TOM1L2: variants seen among roughly 807,000 people sequenced by gnomAD.
TOM1L2 encodes TOM1-like protein 2.
Under a neutral mutation model 67.9 loss-of-function variants are expected in TOM1L2, and 31 were observed. The observed-to-expected ratio is 0.46, with a 90% CI of 0.34 to 0.62. TOM1L2 has a LOEUF of 0.62. TOM1L2 is among the 20% of genes least tolerant of loss of function. The pLI is 0.01. For synonymous variants in TOM1L2, 256 were observed against 254.0 expected (o/e 1.01, Z -0.07); for missense variants, 606 against 663.5 (o/e 0.91, Z 0.95).
intron 1 of TOM1L2, among the ~76,000 whole-genome samples, chr17:17,937,960 G>A (rs1443385634): frequency 6.6e-6 from 1 of 152,122 alleles, no homozygotes; most frequent in African/African-American, 2.4e-5. Flanking sequence ...CTCCATTCCT[G>A]CCACTCACAG....
At chr17:17,956,657 C>T (rs917108464) in intron 1 of TOM1L2, among the ~76,000 whole-genome samples, 4 of 152,226 alleles carry the variant, frequency 2.6e-5, no homozygotes, top group African/African-American at 9.6e-5. Context: ...CGCTGAGACC[C>T]GGCGAGAATT....
Position 17,895,444 on chromosome 17 carries a change from G to A in TOM1L2, c.217-1634C>T, listed in dbSNP as rs192462222. 2.0e-5 allele frequency among the ~76,000 whole-genome samples: 3 copies of A among 152,308 alleles called. No individual in the cohort carries two copies. The East Asian group carries it at 5.8e-4, about 29-fold the overall frequency. On this transcript the variant is annotated intron_variant, in intron 3 of 14. Transcript: ENST00000379504. ...AGCCGTAAAGAAAGGTCCATAACTG[G>A]AACACTGACTGAATGCGACTATATG...
intron 1 of TOM1L2, among the ~76,000 whole-genome samples, chr17:17,912,426 A>C (rs1187948217): frequency 6.7e-6 from 1 of 150,322 alleles, no homozygotes; most frequent in Non-Finnish European, 1.5e-5. Flanking sequence ...CTCACTTCTC[A>C]GACGGGGCGG....
intron 1 of TOM1L2, among the ~76,000 whole-genome samples, chr17:17,935,216 T>A (rs1329918667): frequency 6.6e-6 from 1 of 152,256 alleles, no homozygotes; most frequent in Admixed American, 6.5e-5. Context: ...AGTTGGATGC[T>A]GTTAACTTTG....
rs1568045038 is a variant in TOM1L2 at position 17,850,918 on chromosome 17, A to G, written c.1313T>C (p.Ile438Thr). The G allele has an allele frequency of 1.2e-6, 2 of 1,614,082 alleles. No homozygotes were observed. The highest frequency in any genetic ancestry group is 8.5e-7 in the Non-Finnish European group (1 of 1,180,006). Residue 438 changes from isoleucine to threonine, a missense_variant, in exon 13 of 15, where the codon ATT becomes ACT. By Grantham distance (89) the Ile-to-Thr change is moderately conservative. Transcript: ENST00000379504. ...CAGGTCGGTCCTGAGCCACACCTCA[A>G]TGTCGTCCATGACAGATGGCTGCGC... is the stretch of plus-strand genomic sequence containing the variant. ...PVAQPSVMDD[I>T]EVWLRTDLKG...
intron 4 of TOM1L2, among the ~76,000 whole-genome samples, chr17:17,890,799 T>G (rs1236786925): frequency 1.3e-5 from 2 of 152,170 alleles, no homozygotes; most frequent in Non-Finnish European, 2.9e-5. Context: ...TTGTGAAAAT[T>G]TATCAAGTTG....
At chr17:17,905,258 C>G (rs2039040275) in intron 2 of TOM1L2, among the ~76,000 whole-genome samples, 1 of 152,208 alleles carries the variant, frequency 6.6e-6, no homozygotes, top group Non-Finnish European at 1.5e-5. Flanking sequence ...GCCCCCAACT[C>G]AAGTTCCCTG....
chr17:17,952,476 G>A (rs941610847), intron 1 of TOM1L2, among the ~76,000 whole-genome samples: 2 of 131,422 alleles, frequency 1.5e-5, no homozygotes, highest in African/African-American at 2.9e-5. Flanking sequence ...CTGCAGCCTC[G>A]ACCTTCCCAG....
intron 2 of TOM1L2, 50 bp from the exon 3 acceptor site, chr17:17,898,724 C>A (rs753332131): frequency 5.1e-6 from 8 of 1,581,202 alleles, no homozygotes; most frequent in Non-Finnish European, 5.2e-6. Flanking sequence ...CACTTGAGGA[C>A]ACGATCCTAC....
At chr17:17,879,540 G>T in intron 7 of TOM1L2, 87 bp downstream of exon 7, 1 of 1,056,370 alleles carries the variant, frequency 9.5e-7, no homozygotes. Context: ...GTCCCGCCTT[G>T]CCGCTGTGTC....
chr17:17,844,291 G>C lies in TOM1L2; in HGVS notation c.*3344C>G, dbSNP rs1014672536. 3.9e-5 allele frequency: 6 copies of C among 152,438 alleles called. No homozygotes were observed. The highest frequency in any genetic ancestry group is 1.4e-4 in the African/African-American group (6 of 41,560). The allele number at this position is 152,438 out of a possible 1,614,324, so 9.4% of individuals were successfully genotyped here. On this transcript the variant is annotated 3_prime_UTR_variant, in exon 15 of 15. Coordinates refer to ENST00000379504, the MANE Select transcript of TOM1L2 (RefSeq NM_001082968.2). ...CAGCGGGAAGGAGGGGGGCAGGAGC[G>C]TGAGCATCGGCAGCAGCTGCCCTGC...
chr17:17,884,178 G>A (rs1465043558), intron 5 of TOM1L2, among the ~76,000 whole-genome samples: 1 of 152,278 alleles, frequency 6.6e-6, no homozygotes, highest in East Asian at 1.9e-4. Flanking sequence ...GATTGATGCT[G>A]AATACTCACA....
At chr17:17,895,099 G>A (rs544125088) in intron 3 of TOM1L2, among the ~76,000 whole-genome samples, 81 of 152,256 alleles carry the variant, frequency 5.3e-4, no homozygotes, top group African/African-American at 1.9e-3. Context: ...ACACGACGAA[G>A]GGGATGGCCT....
intron 12 of TOM1L2, among the ~76,000 whole-genome samples, chr17:17,855,028 T>C (rs1206601736): frequency 2.6e-5 from 4 of 152,166 alleles, no homozygotes; most frequent in Admixed American, 2.0e-4. Flanking sequence ...CCTCTGAAGA[T>C]AGGTAGGCCA....
intron 1 of TOM1L2, among the ~76,000 whole-genome samples, chr17:17,971,636 T>C (rs776515059): frequency 9.9e-5 from 15 of 151,502 alleles, no homozygotes; most frequent in Non-Finnish European, 1.8e-4. Flanking sequence ...ACAAAGGGTT[T>C]GGGAGAACTG....
chr17:17,878,283 C>G (rs983157916), intron 7 of TOM1L2, among the ~76,000 whole-genome samples: 1 of 152,204 alleles, frequency 6.6e-6, no homozygotes, highest in Non-Finnish European at 1.5e-5. Context: ...GGTCTGGGAA[C>G]TAGGGAGAGG....
chr17:17,930,278 C>T (rs1173555809), intron 1 of TOM1L2, among the ~76,000 whole-genome samples: 1 of 152,114 alleles, frequency 6.6e-6, no homozygotes, highest in Non-Finnish European at 1.5e-5. Context: ...CAAACTTTAG[C>T]CCATTCTCCT....
At chr17:17,953,710 G>A (rs1444725404) in intron 1 of TOM1L2, among the ~76,000 whole-genome samples, 1 of 152,232 alleles carries the variant, frequency 6.6e-6, no homozygotes, top group Non-Finnish European at 1.5e-5. Flanking sequence ...GAGCACATAG[G>A]GTGTGTAGTG....
At chr17:17,884,285 T>C (rs2037878084) in intron 5 of TOM1L2, among the ~76,000 whole-genome samples, 1 of 152,178 alleles carries the variant, frequency 6.6e-6, no homozygotes, top group Non-Finnish European at 1.5e-5. Flanking sequence ...TGAGGTGCTA[T>C]GGTGCTCTGA....
Sources: allele counts gnomAD v4.1 joint callset (sites outside exome capture counted in the v4.1 genomes callset), GRCh38; gene constraint gnomAD v4.1.1; transcripts MANE v1.5; gene names NCBI Gene and HGNC (gene_info 2026-07-23, HGNC 2026-07-21).